NOS1AP: variants seen among roughly 807,000 people sequenced by gnomAD.
NOS1AP encodes nitric oxide synthase 1 adaptor protein.
A neutral mutation model predicts 56.2 loss-of-function variants in NOS1AP; 21 were observed. The ratio of observed to expected loss-of-function variants is 0.37; its 90% CI spans 0.26 to 0.54. NOS1AP has a LOEUF of 0.54. Among genes scored for constraint, NOS1AP ranks in the 20% least tolerant of loss-of-function variants. The probability of loss-of-function intolerance (pLI) is 0.84; values close to 1 mark genes in which losing one functional copy is unlikely to be tolerated. For synonymous variants in NOS1AP, 270 were observed against 274.6 expected, an observed-to-expected ratio of 0.98 and a Z score of 0.17; for missense variants, 522 against 657.8, an observed-to-expected ratio of 0.79 and a Z score of 2.26.
chr1:162,168,270 A>T (rs924160598), intron 2 of NOS1AP, among the ~76,000 whole-genome samples: 1 of 152,196 alleles, frequency 6.6e-6, no homozygotes, highest in Non-Finnish European at 1.5e-5. Flanking sequence ...CTCGTTGGAA[A>T]TGGAGTGTTA....
intron 2 of NOS1AP, among the ~76,000 whole-genome samples, chr1:162,218,866 G>A (rs1652671276): frequency 1.3e-5 from 2 of 152,092 alleles, no homozygotes; most frequent in Admixed American, 1.3e-4. Context: ...GCTTTTGAAA[G>A]TCACTTTCAA....
intron 4 of NOS1AP, among the ~76,000 whole-genome samples, chr1:162,319,466 A>G (rs1471903814): frequency 1.3e-5 from 2 of 151,960 alleles, no homozygotes; most frequent in African/African-American, 4.8e-5. Context: ...TGGGCTCTCC[A>G]CAATTGGCCC....
At position 162,171,453 on chromosome 1, in the gene NOS1AP, G is replaced by A. The variant is rs532163037; in HGVS notation, c.177+16977G>A. On this transcript the variant is annotated intron_variant, in intron 2 of 9. Transcript: ENST00000361897. ...GTATTCTGCCTGCATCTCCTAGATCGTATGTCTCCCTGCCTCAACTGCTTC... is the reference window on the plus strand; with the variant it reads ...GTATTCTGCCTGCATCTCCTAGATCATATGTCTCCCTGCCTCAACTGCTTC... 3.3e-5 allele frequency among the ~76,000 whole-genome samples: 5 copies of A among 152,226 alleles called. No homozygotes were observed. In the South Asian group the frequency reaches 8.3e-4, roughly 25 times the overall value.
chr1:162,255,757 G>A (rs1053956040), intron 2 of NOS1AP, among the ~76,000 whole-genome samples: 75 of 152,062 alleles, frequency 4.9e-4, no homozygotes, highest in African/African-American at 1.7e-3. Context: ...AGAAACGTTG[G>A]TGAGGGCAGG....
rs367629281 is a variant in NOS1AP, at chr1:162,151,735, TTTAGA to T, written c.106-2665_106-2661del. On this transcript the variant is annotated intron_variant, in intron 1 of 9. Transcript: ENST00000361897. ...CTTTGGTTAAGCTAATTTCTAGGTA[TTTAGA>T]TTAGTGATTTTCTTTGCATGAATGA... 4.7e-3 allele frequency among the ~76,000 whole-genome samples: 720 copies of T among 152,266 alleles called. 7 individuals are homozygous for T. The highest frequency in any genetic ancestry group is 0.016 in the African/African-American group (674 of 41,542).
At chr1:162,169,534 T>A (rs1265516043) in intron 2 of NOS1AP, among the ~76,000 whole-genome samples, 1 of 152,180 alleles carries the variant, frequency 6.6e-6, no homozygotes, top group East Asian at 1.9e-4. Flanking sequence ...GCTTTAAGAA[T>A]CCAGTACCCT....
At chr1:162,081,113 A>G (rs961240492) in intron 1 of NOS1AP, among the ~76,000 whole-genome samples, 9 of 152,166 alleles carry the variant, frequency 5.9e-5, no homozygotes, top group Non-Finnish European at 1.3e-4. Flanking sequence ...TGTTCTGTGC[A>G]TTGTTCTAAG....
At chr1:162,278,830 A>G (rs1654829077) in intron 2 of NOS1AP, among the ~76,000 whole-genome samples, 1 of 152,196 alleles carries the variant, frequency 6.6e-6, no homozygotes, top group African/African-American at 2.4e-5. Context: ...TGATACATTC[A>G]TATAGATTGT....
intron 1 of NOS1AP, among the ~76,000 whole-genome samples, chr1:162,131,122 C>T (rs1321176200): frequency 6.6e-6 from 1 of 152,086 alleles, no homozygotes. Context: ...CCCTTTAGAA[C>T]TACTGCGTAT....
chr1:162,311,621 G>A (rs1656032725), intron 4 of NOS1AP, among the ~76,000 whole-genome samples: 1 of 147,524 alleles, frequency 6.8e-6, no homozygotes, highest in Non-Finnish European at 1.5e-5. Context: ...TAGGGTACAT[G>A]TGCACATTGT....
At chr1:162,105,625 G>A (rs12071519) in intron 1 of NOS1AP, among the ~76,000 whole-genome samples, 17,676 of 152,270 alleles carry the variant, frequency 0.12, 2,293 homozygotes, top group African/African-American at 0.32. Context: ...CCCCCACAAG[G>A]AGGTCTTGCC....
intron 2 of NOS1AP, among the ~76,000 whole-genome samples, chr1:162,231,882 CA>C (rs1265842045): frequency 6.6e-6 from 1 of 152,128 alleles, no homozygotes; most frequent in Non-Finnish European, 1.5e-5. Flanking sequence ...AAACAGAAAC[CA>C]CCTATGTATT....
In NOS1AP at chr1:162,126,395, C is replaced by T. The variant is rs200141654; in HGVS notation, c.106-28010C>T. On this transcript the variant is annotated intron_variant, in intron 1 of 9. Coordinates refer to ENST00000361897, the MANE Select transcript of NOS1AP (RefSeq NM_014697.3). Reference sequence around the variant, plus strand: ...TTCTCATGTTTAGATTCAGGGTTAGCATTTGGGACAGGGAAGTCACAGAAA... The same window carrying T: ...TTCTCATGTTTAGATTCAGGGTTAGTATTTGGGACAGGGAAGTCACAGAAA... Among the ~76,000 whole-genome samples, 14 of 152,214 alleles carry T rather than the reference C, an allele frequency of 9.2e-5. No individual in the cohort carries two copies. The East Asian group carries it at 1.9e-3, about 21-fold the overall frequency.
chr1:162,086,329 T>C (rs1692002098), intron 1 of NOS1AP, among the ~76,000 whole-genome samples: 1 of 152,156 alleles, frequency 6.6e-6, no homozygotes, highest in Non-Finnish European at 1.5e-5. Flanking sequence ...GAGGTGGTAG[T>C]GGTCGGAGCT....
At chr1:162,200,090 A>G (rs764950372) in intron 2 of NOS1AP, among the ~76,000 whole-genome samples, 1 of 152,172 alleles carries the variant, frequency 6.6e-6, no homozygotes, top group Non-Finnish European at 1.5e-5. Flanking sequence ...GTGCACTGGT[A>G]GAAAAAAAAT....
At chr1:162,305,359 A>G (rs376910790) in intron 4 of NOS1AP, among the ~76,000 whole-genome samples, 51 of 150,766 alleles carry the variant, frequency 3.4e-4, no homozygotes, top group South Asian at 3.1e-3. Flanking sequence ...TAACAACACT[A>G]TGGTGGACAT....
chr1:162,235,858 G>A (rs1210917922), intron 2 of NOS1AP, among the ~76,000 whole-genome samples: 1 of 152,182 alleles, frequency 6.6e-6, no homozygotes, highest in Non-Finnish European at 1.5e-5. Flanking sequence ...TAGATCATTT[G>A]CTGATACTTG....
chr1:162,316,089 G>A (rs944983969), intron 4 of NOS1AP, among the ~76,000 whole-genome samples: 4 of 152,044 alleles, frequency 2.6e-5, no homozygotes, highest in Admixed American at 2.6e-4. Flanking sequence ...ACTTTTATTC[G>A]GGACTGAGTG....
chr1:162,102,076 G>T (rs1647297842), intron 1 of NOS1AP, among the ~76,000 whole-genome samples: 1 of 152,082 alleles, frequency 6.6e-6, no homozygotes, highest in Non-Finnish European at 1.5e-5. Context: ...TATTGGCTGT[G>T]GGTTTGTCAT....
Sources: allele counts gnomAD v4.1 joint callset (sites outside exome capture counted in the v4.1 genomes callset), GRCh38; gene constraint gnomAD v4.1.1; transcripts MANE v1.5; gene names NCBI Gene and HGNC (gene_info 2026-07-23, HGNC 2026-07-21).